The following SRFBP1 variants were observed in gnomAD, a reference collection of about 807,000 sequenced individuals.
SRFBP1 encodes the protein serum response factor-binding protein 1.
SRFBP1 carries 47 observed loss-of-function variants against 45.5 expected under a neutral mutation model. The ratio of observed to expected loss-of-function variants is 1.03; its 90% confidence interval spans 0.82 to 1.32. The LOEUF (loss-of-function observed/expected upper bound fraction) is 1.32, where lower values mean the gene tolerates loss of function less well. Among genes scored for constraint, SRFBP1 ranks in the 40% most tolerant of loss-of-function variants. The pLI, the probability that SRFBP1 is intolerant of heterozygous loss-of-function variation, is 0.00. For missense variants in SRFBP1, 621 were observed against 484.6 expected, an observed-to-expected ratio of 1.28 and a Z score of -2.64; for synonymous variants, 203 against 166.3, an observed-to-expected ratio of 1.22 and a Z score of -1.70.
At position 121,965,765 on chromosome 5, in the gene SRFBP1, A is replaced by G. The variant is rs534864329; in HGVS notation, c.36+3697A>G. Among the ~76,000 whole-genome samples the G allele has an allele frequency of 5.9e-5, 9 of 152,306 alleles. No homozygotes were observed. The East Asian group carries it at 9.6e-4, about 16-fold the overall frequency. On this transcript the variant is annotated intron_variant, in intron 1 of 7. Transcript: ENST00000339397. Reference sequence around the variant, plus strand: ...GCTTGATGGGGATAGCTTTAAATCTATAAATTACTTTGGGCAGTATGGCTG... The same window carrying G: ...GCTTGATGGGGATAGCTTTAAATCTGTAAATTACTTTGGGCAGTATGGCTG...
intron 3 of SRFBP1, among the ~76,000 whole-genome samples, chr5:121,978,750 C>T (rs112015149): frequency 0.034 from 5,244 of 152,224 alleles, 311 homozygotes; most frequent in African/African-American, 0.12. Flanking sequence ...CCTCGGCCTC[C>T]CATAGTACTG....
intron 2 of SRFBP1, among the ~76,000 whole-genome samples, chr5:122,039,348 G>T (rs1032662853): frequency 2.6e-5 from 4 of 152,158 alleles, no homozygotes; most frequent in Non-Finnish European, 5.9e-5. Flanking sequence ...ACTTTGAATT[G>T]CCTCTGTTGA....
Position 122,020,718 on chromosome 5 carries a change from A to G in SRFBP1, c.983A>G (p.Asn328Ser). 6.2e-7 allele frequency: 1 copy of G among 1,612,198 alleles called. No homozygotes were observed. Among genetic ancestry groups the G allele is most frequent in the Non-Finnish European group, 8.5e-7 (1 of 1,179,596 alleles). The change falls in exon 6 of 8, where the codon AAT becomes AGT. Residue 328 changes from asparagine to serine, a missense_variant. Physicochemically the swap from Asn to Ser is conservative, Grantham distance 46. Transcript: ENST00000339397. ...GGTGAAACTCATGGGGATACAAGAA[A>G]TGACAAAATCAAGCCAAGTACAGAA... ...DTGETHGDTR[N>S]DKIKPSTETR...
At chr5:121,972,741 G>C (rs1292013392) in intron 1 of SRFBP1, among the ~76,000 whole-genome samples, 1 of 151,854 alleles carries the variant, frequency 6.6e-6, no homozygotes, top group Non-Finnish European at 1.5e-5. Context: ...CAAGCAAGCT[G>C]ATAGAGGTTG....
chr5:122,070,787 T>C, intron 2 of SRFBP1: 1 of 432,584 alleles, frequency 2.3e-6, no homozygotes, highest in Non-Finnish European at 4.1e-6. Flanking sequence ...GATACAGGAC[T>C]AATATAAGTA....
chr5:122,033,658 C>T (rs1156990675), intron 2 of SRFBP1, among the ~76,000 whole-genome samples: 1 of 151,270 alleles, frequency 6.6e-6, no homozygotes, highest in Non-Finnish European at 1.5e-5. Flanking sequence ...GGCGTTTCAC[C>T]GTGTTGGCCA....
At chr5:122,049,696 C>G (rs1452604531) in intron 2 of SRFBP1, among the ~76,000 whole-genome samples, 1 of 152,168 alleles carries the variant, frequency 6.6e-6, no homozygotes, top group African/African-American at 2.4e-5. Flanking sequence ...ACAGTGCAAT[C>G]AAACTAGAAC....
chr5:122,020,780 T>C lies in SRFBP1; in HGVS notation c.1045T>C (p.Ser349Pro), dbSNP rs886226359. Reference sequence around the variant, plus strand: ...AGAATCAGTGTTTTTCCACTCTTTATCTGGATCTAAAAGCTCTAGAAGGTA... The same window carrying C: ...AGAATCAGTGTTTTTCCACTCTTTACCTGGATCTAAAAGCTCTAGAAGGTA... The part of the protein sequence containing the change: ...KLESVFFHSL[S>P]GSKSSRRNFK... Residue 349 changes from serine (S) to proline (P), a missense_variant, in exon 6 of 8, where the codon TCT (serine) becomes CCT (proline). Coordinates refer to ENST00000339397, the MANE Select transcript of SRFBP1 (RefSeq NM_152546.3). The C allele has an allele frequency of 7.0e-6, 11 of 1,575,734 alleles. No homozygotes were observed. Among genetic ancestry groups the C allele is most frequent in the Non-Finnish European group, 8.6e-6 (10 of 1,166,650 alleles).
intron 3 of SRFBP1, among the ~76,000 whole-genome samples, chr5:121,984,516 CAT>C (rs1752476701): frequency 6.6e-6 from 1 of 151,736 alleles, no homozygotes; most frequent in South Asian, 2.1e-4. Flanking sequence ...ATTTCTGTGA[CAT>C]GTTTCAAATA....
intron 4 of SRFBP1, among the ~76,000 whole-genome samples, chr5:122,017,590 C>A (rs74985780): frequency 6.6e-6 from 1 of 152,096 alleles, no homozygotes; most frequent in Non-Finnish European, 1.5e-5. Context: ...TTTGAGGGGA[C>A]GCGATTCAAC....
At chr5:122,020,837 G>A (rs375922364) in intron 6 of SRFBP1, 35 bp downstream of exon 6, 9 of 1,474,890 alleles carry the variant, frequency 6.1e-6, no homozygotes, top group African/African-American at 4.3e-5. Flanking sequence ...ATAATCATTA[G>A]TTCTTTTTTA....
At chr5:121,987,710 A>G (rs141385478) in intron 3 of SRFBP1, among the ~76,000 whole-genome samples, 99 of 152,296 alleles carry the variant, frequency 6.5e-4, no homozygotes, top group African/African-American at 1.9e-3. Flanking sequence ...ACTTTGGAAA[A>G]TACAAACATG....
chr5:122,034,442 G>GCT (rs1407677849), intron 2 of SRFBP1, among the ~76,000 whole-genome samples: 2 of 151,040 alleles, frequency 1.3e-5, no homozygotes, highest in Non-Finnish European at 2.9e-5. Context: ...AATGCCCTTA[G>GCT]CGCCCCCCCC....
At chr5:121,974,502 ATTT>A (rs1027639212) in intron 2 of SRFBP1, among the ~76,000 whole-genome samples, 1 of 151,796 alleles carries the variant, frequency 6.6e-6, no homozygotes, top group Admixed American at 6.6e-5. Flanking sequence ...TACAGGATGA[ATTT>A]TTTTGCTGCT....
At chr5:121,971,008 GACATGGGAAAAAAGAAC>G (rs927108174) in intron 1 of SRFBP1, among the ~76,000 whole-genome samples, 81 of 152,188 alleles carry the variant, frequency 5.3e-4, no homozygotes, top group African/African-American at 1.9e-3. Flanking sequence ...TTAACAAGTT[GACATGGGAAAAAAGAAC>G]ATTCTGACCA....
intron 2 of SRFBP1, among the ~76,000 whole-genome samples, chr5:122,052,590 C>T (rs933617282): frequency 1.3e-5 from 2 of 152,138 alleles, no homozygotes; most frequent in South Asian, 4.1e-4. Context: ...TGTTTTTCAG[C>T]TCTATCAGGT....
chr5:122,037,064 A>G (rs902221925), intron 2 of SRFBP1, among the ~76,000 whole-genome samples: 3 of 151,828 alleles, frequency 2.0e-5, no homozygotes. Context: ...ATGCCTGGCT[A>G]ATTTTGTATT....
intron 2 of SRFBP1, chr5:122,069,967 G>A: frequency 1.0e-6 from 1 of 955,800 alleles, no homozygotes; most frequent in South Asian, 1.3e-5. Flanking sequence ...TGTAGTAGCA[G>A]AAACAGATAC....
chr5:122,044,431 A>T (rs1753821545), intron 2 of SRFBP1, among the ~76,000 whole-genome samples: 1 of 152,144 alleles, frequency 6.6e-6, no homozygotes, highest in Non-Finnish European at 1.5e-5. Context: ...TGTCACAACT[A>T]CTTTCCACAA....
Sources: gnomAD v4.1 joint callset for allele counts (sites outside exome capture counted in the v4.1 genomes callset) on GRCh38, gnomAD v4.1.1 for gene constraint, MANE v1.5 for transcripts, NCBI Gene and HGNC (gene_info 2026-07-23, HGNC 2026-07-21) for gene names.